NEK7: variants seen among roughly 807,000 people sequenced by gnomAD.
NEK7 encodes NIMA related kinase 7, also known as serine/threonine-protein kinase Nek7.
Under a neutral mutation model 44.6 loss-of-function variants are expected in NEK7, and 18 were observed. The ratio of observed to expected loss-of-function variants is 0.40; its 90% CI spans 0.28 to 0.60. The LOEUF is 0.60. NEK7 is among the 20% of genes least tolerant of loss of function. The pLI is 0.38. For synonymous variants in NEK7, 130 were observed against 121.1 expected (o/e 1.07, Z -0.48); for missense variants, 256 against 366.5 (o/e 0.70, Z 2.46).
At chr1:198,290,565 G>A (rs559656346) in intron 7 of NEK7, among the ~76,000 whole-genome samples, 1 of 152,072 alleles carries the variant, frequency 6.6e-6, no homozygotes, top group Non-Finnish European at 1.5e-5. Context: ...GAACGGAGGG[G>A]CATATGAAGA....
chr1:198,217,905 A>G (rs972966671), intron 1 of NEK7, among the ~76,000 whole-genome samples: 2 of 151,892 alleles, frequency 1.3e-5, no homozygotes, highest in African/African-American at 4.8e-5. Context: ...AGATCTCTAC[A>G]AGGAGAACTG....
intron 2 of NEK7, among the ~76,000 whole-genome samples, chr1:198,242,983 C>T (rs1298558845): frequency 6.6e-6 from 1 of 151,798 alleles, no homozygotes; most frequent in Admixed American, 6.6e-5. Context: ...CAGTGCTTAC[C>T]TCTTTAACCT....
chr1:198,193,431 A>G (rs1350560576), intron 1 of NEK7, among the ~76,000 whole-genome samples: 1 of 152,182 alleles, frequency 6.6e-6, no homozygotes, highest in African/African-American at 2.4e-5. Flanking sequence ...ACAATTGAAA[A>G]GGAGGGACTC....
chr1:198,264,256 C>A, intron 5 of NEK7, 21 bp downstream of exon 5: 2 of 1,535,170 alleles, frequency 1.3e-6, no homozygotes, highest in South Asian at 2.4e-5. Flanking sequence ...AAAAAATTGT[C>A]TTAATGTTTT....
intron 5 of NEK7, among the ~76,000 whole-genome samples, chr1:198,271,963 A>G (rs183084035): frequency 4.6e-4 from 68 of 148,962 alleles, no homozygotes; most frequent in African/African-American, 1.6e-3. Context: ...TTACTTAGGT[A>G]CCTATACATA....
intron 1 of NEK7, among the ~76,000 whole-genome samples, chr1:198,199,430 T>C: frequency 6.6e-6 from 1 of 152,254 alleles, no homozygotes. Flanking sequence ...TAGTATCCAC[T>C]GCAGAAGCTT....
At chr1:198,262,491 C>A in intron 3 of NEK7, 84 bp from the exon 4 acceptor site, 1 of 829,808 alleles carries the variant, frequency 1.2e-6, no homozygotes, top group Non-Finnish European at 1.9e-6. Flanking sequence ...CAAATAATTA[C>A]ATGTAGAGTA....
At chr1:198,157,369 G>A (rs915380363) in intron 1 of NEK7, 93 bp downstream of exon 1, 1 of 152,360 alleles carries the variant, frequency 6.6e-6, no homozygotes, top group Non-Finnish European at 1.5e-5. Context: ...GGGAGGTCGG[G>A]ACCGCGCGGG....
rs540348754 is a variant in NEK7, at chr1:198,319,775, G to A, written c.*253G>A. On this transcript the variant is annotated 3_prime_UTR_variant, in exon 10 of 10. Coordinates refer to ENST00000367385, the MANE Select transcript of NEK7 (RefSeq NM_133494.3). ...AACATGATGGTTTTGAATGGCTAAA[G>A]GTTTATAGAATTTCTTACAGTTTTC... 2.3e-4 allele frequency: 74 copies of A among 321,386 alleles called. No homozygotes were observed. The highest frequency in any genetic ancestry group is 3.7e-4 in the Non-Finnish European group (65 of 175,510). 19.9% of individuals were successfully genotyped at this position (321,386 alleles called of 1,614,324 possible).
intron 9 of NEK7, among the ~76,000 whole-genome samples, chr1:198,314,619 TGTC>T (rs1405172705): frequency 1.3e-5 from 2 of 152,186 alleles, no homozygotes; most frequent in African/African-American, 4.8e-5. Context: ...TTGGTGTGGA[TGTC>T]GTTTCTGTTT....
At chr1:198,219,941 T>A (rs6685536) in intron 1 of NEK7, among the ~76,000 whole-genome samples, 15,449 of 85,802 alleles carry the variant, frequency 0.18, 1,496 homozygotes, top group East Asian at 0.65. Flanking sequence ...GGGCGGGGGG[T>A]GGGGTGGGAA....
At chr1:198,218,719 A>T (rs548723420) in intron 1 of NEK7, among the ~76,000 whole-genome samples, 1 of 146,280 alleles carries the variant, frequency 6.8e-6, no homozygotes, top group South Asian at 2.3e-4. Context: ...CAAGAAAAAA[A>T]TCCAATTAAA....
At chr1:198,169,892 G>GGCCT (rs1664385010) in intron 1 of NEK7, among the ~76,000 whole-genome samples, 1 of 152,184 alleles carries the variant, frequency 6.6e-6, no homozygotes, top group African/African-American at 2.4e-5. Context: ...TTTTCTGTAG[G>GGCCT]GCCTAGGACC....
intron 1 of NEK7, among the ~76,000 whole-genome samples, chr1:198,193,095 A>G (rs116221234): frequency 6.6e-6 from 1 of 151,980 alleles, no homozygotes; most frequent in Non-Finnish European, 1.5e-5. Flanking sequence ...AGAAGAATCA[A>G]ATAGACACAA....
intron 2 of NEK7, among the ~76,000 whole-genome samples, chr1:198,246,459 G>T (rs1185609768): frequency 6.6e-6 from 1 of 152,240 alleles, no homozygotes; most frequent in Non-Finnish European, 1.5e-5. Context: ...CTAATGAAGT[G>T]TCTAATGCTC....
chr1:198,214,016 T>G (rs1665851009), intron 1 of NEK7, among the ~76,000 whole-genome samples: 1 of 152,158 alleles, frequency 6.6e-6, no homozygotes. Context: ...TCTGCTCATA[T>G]ACCCGGCACA....
At chr1:198,209,037 G>GTGTA (rs1458355946) in intron 1 of NEK7, among the ~76,000 whole-genome samples, 6 of 145,354 alleles carry the variant, frequency 4.1e-5, no homozygotes, top group Non-Finnish European at 6.1e-5. Context: ...ATGTGTGTGT[G>GTGTA]TATATATATA....
At chr1:198,157,872 C>T (rs1292292712) in intron 1 of NEK7, among the ~76,000 whole-genome samples, 1 of 151,962 alleles carries the variant, frequency 6.6e-6, no homozygotes, top group Non-Finnish European at 1.5e-5. Context: ...AGAGGGATTG[C>T]GAGGCAATAG....
intron 1 of NEK7, among the ~76,000 whole-genome samples, chr1:198,215,852 A>G (rs895217734): frequency 2.0e-5 from 3 of 152,190 alleles, no homozygotes; most frequent in African/African-American, 7.2e-5. Flanking sequence ...CAATTCAACA[A>G]GAAGATATAA....
Sources: gnomAD v4.1 joint callset for allele counts (sites outside exome capture counted in the v4.1 genomes callset) on GRCh38, gnomAD v4.1.1 for gene constraint, MANE v1.5 for transcripts, NCBI Gene and HGNC (gene_info 2026-07-23, HGNC 2026-07-21) for gene names.